The following CUBN variants were observed in gnomAD, a reference collection of about 807,000 sequenced individuals.
The protein encoded by CUBN is cubilin, also known as 460 kDa receptor.
In CUBN, 282 loss-of-function variants were observed where a neutral mutation model predicts 405.3. That is an observed-to-expected ratio of 0.70 (90% CI 0.63 to 0.77). CUBN has a LOEUF of 0.77. CUBN is among the 30% of genes least tolerant of loss of function. The pLI is 0.00. For missense variants in CUBN, 4,514 were observed against 4,475.2 expected, an observed-to-expected ratio of 1.01 and a Z score of -0.25; for synonymous variants, 1,684 against 1,617.0, an observed-to-expected ratio of 1.04 and a Z score of -0.99.
chr10:16,858,477 T>C (rs554750332), intron 59 of CUBN, among the ~76,000 whole-genome samples: 103 of 152,130 alleles, frequency 6.8e-4, no homozygotes, highest in African/African-American at 2.2e-3. Flanking sequence ...AATGCCACCA[T>C]GCCTGGCTAA....
intron 3 of CUBN, among the ~76,000 whole-genome samples, chr10:17,127,228 GTCTC>G (rs1297991101): frequency 4.5e-4 from 57 of 126,944 alleles, no homozygotes; most frequent in African/African-American, 1.5e-3. Flanking sequence ...CTCTCTCTCT[GTCTC>G]TCTCTCTCTT....
At position 16,962,558 on chromosome 10, in the gene CUBN, T is replaced by C. The variant is rs769530027; in HGVS notation, c.4696-8010A>G. ...CTGGCGTATGGGATAGACCTCGTGA[T>C]TGGTTCTAATTAACAGAATACAATG... On this transcript the variant is annotated intron_variant, in intron 31 of 66. Coordinates refer to ENST00000377833, the MANE Select transcript of CUBN (RefSeq NM_001081.4). Among the ~76,000 whole-genome samples, 104 of 152,142 alleles carry C rather than the reference T, an allele frequency of 6.8e-4. 1 individual carries two copies. Among genetic ancestry groups the C allele is most frequent in the Non-Finnish European group, 1.2e-3 (85 of 68,032 alleles).
chr10:17,011,385 T>C (rs548821660), intron 28 of CUBN, among the ~76,000 whole-genome samples: 3 of 152,286 alleles, frequency 2.0e-5, no homozygotes, highest in Non-Finnish European at 4.4e-5. Flanking sequence ...GCTGCAGACC[T>C]TCACCATGAG....
rs181030142 is a variant in CUBN at position 16,917,691 on chromosome 10, G to A, written c.7000+931C>T. Among the ~76,000 whole-genome samples, 4 of 152,154 alleles carry A rather than the reference G, an allele frequency of 2.6e-5. No homozygotes were observed. In the East Asian group the frequency reaches 5.8e-4, roughly 22 times the overall value. On this transcript the variant is annotated intron_variant, in intron 45 of 66. Coordinates refer to ENST00000377833, the MANE Select transcript of CUBN (RefSeq NM_001081.4). ...GTTAGAGAAAATATAAAATATTTAA[G>A]TTTACTAAGATTACTTTTTAAAATG...
rs1841796245 is a variant in CUBN at position 16,913,678 on chromosome 10, A to G, written c.7533+133T>C. 3.9e-6 allele frequency: 4 copies of G among 1,016,782 alleles called. No homozygotes were observed. The Admixed American group carries it at 5.6e-5, about 14-fold the overall frequency. 63.0% of individuals were successfully genotyped at this position (1,016,782 alleles called of 1,614,324 possible). ...TTACTGTGATTTTGTTCTTTCAACA[A>G]TACTTAGAATTTGTCTGAGTTATAG... On this transcript the variant is annotated intron_variant, in intron 48 of 66. Coordinates refer to ENST00000377833, the MANE Select transcript of CUBN (RefSeq NM_001081.4).
intron 59 of CUBN, among the ~76,000 whole-genome samples, chr10:16,858,963 A>C (rs550150568): frequency 6.6e-6 from 1 of 152,368 alleles, no homozygotes; most frequent in South Asian, 2.1e-4. Context: ...TATCTAAACC[A>C]AAATGAGCTC....
chr10:17,023,619 G>A lies in CUBN; in HGVS notation c.4018-3636C>T, dbSNP rs182895155. ...CAGAGCAGAATGTTAACCACAGGAC[G>A]TTCCAGCTGTGACTCATTGCAACTA... is the stretch of plus-strand genomic sequence containing the variant. On this transcript the variant is annotated intron_variant, in intron 27 of 66. Coordinates refer to ENST00000377833, the MANE Select transcript of CUBN (RefSeq NM_001081.4). 3.7e-5 allele frequency: 17 copies of A among 455,914 alleles called. No individual in the cohort carries two copies. In the East Asian group the frequency reaches 1.1e-3, roughly 30 times the overall value. The allele number at this position is 455,914 out of a possible 1,614,324, so 28.2% of individuals were successfully genotyped here.
intron 59 of CUBN, among the ~76,000 whole-genome samples, chr10:16,867,374 T>A (rs577715006): frequency 2.0e-5 from 3 of 152,298 alleles, no homozygotes; most frequent in African/African-American, 7.2e-5. Flanking sequence ...TTCTTATTGT[T>A]CCTTCCCCCT....
At chr10:16,963,350 TA>T (rs1355239325) in intron 31 of CUBN, among the ~76,000 whole-genome samples, 1 of 151,810 alleles carries the variant, frequency 6.6e-6, no homozygotes. Context: ...CACGCCCAGC[TA>T]ATTTTTTGTA....
In CUBN at chr10:17,014,962, T is replaced by C. The variant is rs1055434035; in HGVS notation, c.4168+4871A>G. Reference sequence around the variant, plus strand: ...GAACAGCAAACCAATCTGCCTCCCTTGGCATTTGAGAGAGCAGGGTACAGG... The same window carrying C: ...GAACAGCAAACCAATCTGCCTCCCTCGGCATTTGAGAGAGCAGGGTACAGG... On this transcript the variant is annotated intron_variant, in intron 28 of 66. Transcript: ENST00000377833. Among the ~76,000 whole-genome samples the C allele has an allele frequency of 2.3e-4, 35 of 152,298 alleles. 6 individuals carry two copies. The highest frequency in any genetic ancestry group is 1.4e-3 in the Admixed American group (22 of 15,304).
intron 25 of CUBN, among the ~76,000 whole-genome samples, chr10:17,044,343 C>A (rs1469697221): frequency 6.7e-6 from 1 of 148,408 alleles, no homozygotes; most frequent in Non-Finnish European, 1.5e-5. Flanking sequence ...TATGACATCA[C>A]AAAAGAATAG....
intron 28 of CUBN, among the ~76,000 whole-genome samples, chr10:16,993,057 C>T (rs1424932898): frequency 6.6e-6 from 1 of 152,178 alleles, no homozygotes; most frequent in Non-Finnish European, 1.5e-5. Context: ...CACAGTGCCT[C>T]ATGTAACTCG....
At chr10:16,850,198 C>T (rs985967910) in intron 60 of CUBN, among the ~76,000 whole-genome samples, 2 of 152,170 alleles carry the variant, frequency 1.3e-5, no homozygotes, top group African/African-American at 2.4e-5. Context: ...AAGCCTGCAT[C>T]GAATGCATTC....
chr10:16,869,902 T>A, intron 58 of CUBN, 49 bp from the exon 59 acceptor site: 1 of 1,368,316 alleles, frequency 7.3e-7, no homozygotes, highest in Non-Finnish European at 1.0e-6. Context: ...GGACTTCTAT[T>A]AAATTGTAGC....
At chr10:17,091,862 C>A (rs1836266412) in intron 14 of CUBN, among the ~76,000 whole-genome samples, 1 of 152,196 alleles carries the variant, frequency 6.6e-6, no homozygotes, top group Non-Finnish European at 1.5e-5. Context: ...GTGGGATGAT[C>A]TACAGAACAA....
At chr10:16,941,290 G>A (rs902708948) in intron 36 of CUBN, among the ~76,000 whole-genome samples, 11 of 151,966 alleles carry the variant, frequency 7.2e-5, no homozygotes, top group Non-Finnish European at 1.5e-4. Context: ...ATGCAATAAC[G>A]GATATCCTTA....
At chr10:16,922,849 T>C (rs1028995539) in intron 43 of CUBN, among the ~76,000 whole-genome samples, 5 of 146,878 alleles carry the variant, frequency 3.4e-5, no homozygotes, top group African/African-American at 1.3e-4. Context: ...ACCATGTTCT[T>C]TTTTTTTTTT....
intron 36 of CUBN, among the ~76,000 whole-genome samples, chr10:16,943,234 T>C (rs1018688302): frequency 3.3e-5 from 5 of 152,192 alleles, no homozygotes; most frequent in Non-Finnish European, 5.9e-5. Flanking sequence ...TCAGTAAGCC[T>C]GGTGGTAAGC....
intron 10 of CUBN, 30 bp downstream of exon 10, chr10:17,109,610 C>T (rs768880402): frequency 2.1e-5 from 33 of 1,561,386 alleles, no homozygotes; most frequent in Non-Finnish European, 2.6e-5. Flanking sequence ...ATTACAATAC[C>T]CAAAGCCAAA....
Sources: allele counts gnomAD v4.1 joint callset (sites outside exome capture counted in the v4.1 genomes callset), GRCh38; gene constraint gnomAD v4.1.1; transcripts MANE v1.5; gene names NCBI Gene and HGNC (gene_info 2026-07-23, HGNC 2026-07-21).